CCDC61: variants seen among roughly 807,000 people sequenced by gnomAD.
CCDC61 encodes coiled-coil domain containing 61.
Under a neutral mutation model 63.0 loss-of-function variants are expected in CCDC61, and 55 were observed. The ratio of observed to expected loss-of-function variants is 0.87; its 90% CI spans 0.70 to 1.09. The LOEUF is 1.09. Ranked by LOEUF, CCDC61 falls within the 50% of genes least tolerant of loss-of-function variation. CCDC61 has a pLI of 0.00. For synonymous variants in CCDC61, 270 were observed against 317.0 expected (o/e 0.85, Z 1.58); for missense variants, 651 against 731.4 (o/e 0.89, Z 1.27).
At chr19:46,000,166 G>T (rs1166031721) in intron 1 of CCDC61, 1 of 581,988 alleles carries the variant, frequency 1.7e-6, no homozygotes, top group Non-Finnish European at 2.2e-6. Context: ...TGTTCAGAGA[G>T]GGCTCTCTAA....
chr19:46,007,708 CTG>C (rs1038744879), intron 4 of CCDC61, among the ~76,000 whole-genome samples: 7 of 152,208 alleles, frequency 4.6e-5, no homozygotes, highest in African/African-American at 1.7e-4. Context: ...TACCAATCCT[CTG>C]TGAATAGCAT....
At chr19:46,013,806 C>T (rs1278216892) in intron 5 of CCDC61, among the ~76,000 whole-genome samples, 1 of 150,662 alleles carries the variant, frequency 6.6e-6, no homozygotes, top group Non-Finnish European at 1.5e-5. Context: ...GCAGAGGTTG[C>T]AGTGAGCCAA....
intron 1 of CCDC61, 82 bp from the exon 2 acceptor site, chr19:46,002,926 G>GCCA (rs1336380309): frequency 4.1e-5 from 56 of 1,370,714 alleles, no homozygotes; most frequent in Admixed American, 2.9e-4. Flanking sequence ...AAATGATGGA[G>GCCA]CCAGGATATG....
At chr19:46,008,063 G>A in intron 4 of CCDC61, 77 bp from the exon 5 acceptor site, 1 of 1,433,278 alleles carries the variant, frequency 7.0e-7, no homozygotes. Context: ...GTACTCTGTG[G>A]CTCTCAGAGG....
Position 46,016,063 on chromosome 19 carries a change from T to G in CCDC61, c.855T>G (p.Thr285=). 1 of 1,235,186 alleles carries G rather than the reference T, an allele frequency of 8.1e-7. No homozygotes were observed. The highest frequency in any genetic ancestry group is 1.0e-6 in the Non-Finnish European group (1 of 990,814). The allele number at this position is 1,235,186 out of a possible 1,614,324, so 76.5% of individuals were successfully genotyped here. The change falls in exon 8 of 14, where the codon ACT becomes ACG. Residue 285 remains threonine, a synonymous_variant. Coordinates refer to ENST00000595358, the MANE Select transcript of CCDC61 (RefSeq NM_001267723.2). This position sits in a 1 kb window ranked among gnomAD's most constrained non-coding sequence, Gnocchi z 7.2. ...GCCTCTGTGGTCTCAGGAGGCGGAC[T>G]CCGCCGGTGCAGCCGCCCCCGACGC... ...ELALYKRGRR[T]PPVQPPPTRE...
intron 1 of CCDC61, 23 bp downstream of exon 1, chr19:45,995,527 G>A: frequency 2.0e-6 from 1 of 510,772 alleles, no homozygotes; most frequent in South Asian, 1.5e-5. Context: ...GGGAGTGGCG[G>A]TTGCGCGGGC....
At chr19:46,002,836 C>T (rs1017091463) in intron 1 of CCDC61, among the ~76,000 whole-genome samples, 172 bp from the exon 2 acceptor site, 22 of 152,250 alleles carry the variant, frequency 1.4e-4, no homozygotes, top group African/African-American at 5.3e-4. Flanking sequence ...GAGGTTGGTG[C>T]CATTATTATA....
At chr19:46,004,927 G>C (rs1229951753) in intron 3 of CCDC61, among the ~76,000 whole-genome samples, 4 of 137,774 alleles carry the variant, frequency 2.9e-5, no homozygotes, top group African/African-American at 8.3e-5. Context: ...CAACCTCCGC[G>C]TCTCGGGTTC....
chr19:46,006,602 T>C lies in CCDC61; in HGVS notation c.275T>C (p.Leu92Pro). 6.2e-7 allele frequency: 1 copy of C among 1,613,300 alleles called. No individual in the cohort carries two copies. Among genetic ancestry groups the C allele is most frequent in the Non-Finnish European group, 8.5e-7 (1 of 1,179,536 alleles). ...VTLDLLTYTD[L>P]ESLRNRKMGG... ...CTGGACCTGCTGACCTACACAGACC[T>C]GGAGTCCCTGCGGAACCGCAAGATG... The change falls in exon 4 of 14, where the codon CTG (leucine) becomes CCG (proline). Residue 92 changes from leucine to proline, a missense_variant. Leu to Pro is a moderately conservative substitution (Grantham distance 98). Coordinates refer to ENST00000595358, the MANE Select transcript of CCDC61 (RefSeq NM_001267723.2).
At position 46,006,441 on chromosome 19, in the gene CCDC61, C is replaced by T. The variant is rs566580348; in HGVS notation, c.232-118C>T. On this transcript the variant is annotated intron_variant, in intron 3 of 13. Transcript: ENST00000595358. ...GGGCCATGTTGATTGCCAGCCTTCG[C>T]GTAGGAAAGCCTAGCCCGCCTAGAG... is the stretch of plus-strand genomic sequence containing the variant. The T allele has an allele frequency of 1.1e-4, 109 of 970,166 alleles. No homozygotes were observed. The South Asian group carries it at 1.9e-3, about 17-fold the overall frequency. 60.1% of individuals were successfully genotyped at this position (970,166 alleles called of 1,614,324 possible).
At chr19:45,998,304 C>T (rs1197318873) in intron 1 of CCDC61, among the ~76,000 whole-genome samples, 1 of 152,170 alleles carries the variant, frequency 6.6e-6, no homozygotes, top group Non-Finnish European at 1.5e-5. Flanking sequence ...TCTGGGCCCA[C>T]CCCCAGAGTT....
chr19:46,003,333 G>A (rs1047692413), intron 2 of CCDC61, 86 bp from the exon 3 acceptor site: 17 of 1,455,244 alleles, frequency 1.2e-5, no homozygotes, highest in Non-Finnish European at 1.3e-5. Context: ...AGACACTGGA[G>A]TCGGGTAGAA....
At chr19:46,002,881 A>C in intron 1 of CCDC61, 127 bp from the exon 2 acceptor site, 1 of 832,344 alleles carries the variant, frequency 1.2e-6, no homozygotes, top group Non-Finnish European at 1.9e-6. Context: ...AGGCACAGAG[A>C]GGTGAATTCG....
At chr19:46,014,124 C>T (rs1968879979) in intron 5 of CCDC61, among the ~76,000 whole-genome samples, 1 of 151,962 alleles carries the variant, frequency 6.6e-6, no homozygotes. Context: ...GGTCCAATTT[C>T]TTACATTTTT....
At position 46,006,597 on chromosome 19, in the gene CCDC61, A is replaced by G; in HGVS notation, c.270A>G (p.Thr90=). Residue 90 remains threonine, a synonymous_variant, in exon 4 of 14, where the codon ACA becomes ACG. Coordinates refer to ENST00000595358, the MANE Select transcript of CCDC61 (RefSeq NM_001267723.2). ...TCACCCTGGACCTGCTGACCTACAC[A>G]GACCTGGAGTCCCTGCGGAACCGCA... is the stretch of plus-strand genomic sequence containing the variant. The part of the protein sequence containing the change: ...ESVTLDLLTY[T]DLESLRNRKM... 1.9e-6 allele frequency: 3 copies of G among 1,612,738 alleles called. No individual in the cohort carries two copies. Among genetic ancestry groups the G allele is most frequent in the Non-Finnish European group, 2.5e-6 (3 of 1,179,174 alleles).
intron 3 of CCDC61, 72 bp from the exon 4 acceptor site, chr19:46,006,475 GGGCTGTGGCCCA>G: frequency 7.5e-7 from 1 of 1,331,732 alleles, no homozygotes; most frequent in Non-Finnish European, 1.0e-6. Context: ...AGAACGGGAA[GGGCTGTGGCCCA>G]GGTGTGTGCT....
intron 1 of CCDC61, among the ~76,000 whole-genome samples, chr19:45,997,319 A>G (rs937267166): frequency 6.6e-6 from 1 of 152,320 alleles, no homozygotes; most frequent in East Asian, 1.9e-4. Flanking sequence ...CTCAAGCTAA[A>G]ATAACTCCTG....
In CCDC61 at chr19:46,003,177, C is replaced by T; in HGVS notation, c.148+11C>T. On this transcript the variant is annotated intron_variant, in intron 2 of 13. Transcript: ENST00000595358. ...AGTTCGATGCTGGCTGTGAGTGTGC[C>T]TGCCTGGGGTGGGCTCACCTTTCCT... The T allele has an allele frequency of 6.3e-7, 1 of 1,599,662 alleles. No homozygotes were observed. Among genetic ancestry groups the T allele is most frequent in the Non-Finnish European group, 8.5e-7 (1 of 1,171,262 alleles).
intron 3 of CCDC61, among the ~76,000 whole-genome samples, chr19:46,005,739 A>T (rs1424979721): frequency 1.3e-5 from 2 of 151,582 alleles, no homozygotes; most frequent in Admixed American, 6.6e-5. Context: ...TTTTTGAGAA[A>T]ATTTCTGCCA....
Sources: allele counts gnomAD v4.1 joint callset (sites outside exome capture counted in the v4.1 genomes callset), GRCh38; gene constraint gnomAD v4.1.1; non-coding constraint Gnocchi (gnomAD v3.1); transcripts MANE v1.5; gene names NCBI Gene and HGNC (gene_info 2026-07-23, HGNC 2026-07-21).